Variants in DLGAP1 observed in about 807,000 individuals in gnomAD.
DLGAP1 encodes the protein disks large-associated protein 1.
Under a neutral mutation model 90.8 loss-of-function variants are expected in DLGAP1, and 11 were observed. The observed-to-expected ratio is 0.12, with a 90% CI of 0.08 to 0.20. The LOEUF (loss-of-function observed/expected upper bound fraction) is 0.20. Ranked by LOEUF, DLGAP1 falls within the 10% of genes least tolerant of loss-of-function variation. DLGAP1 has a pLI of 1.00. For missense variants in DLGAP1, 1,050 were observed against 1,333.8 expected, an observed-to-expected ratio of 0.79 and a Z score of 3.31; for synonymous variants, 558 against 540.7, an observed-to-expected ratio of 1.03 and a Z score of -0.44.
chr18:3,594,064 C>T (rs1433640324), intron 7 of DLGAP1: 1 of 151,458 alleles, frequency 6.6e-6, no homozygotes, highest in African/African-American at 2.4e-5. Context: ...ATGTCAGACG[C>T]AGCCACTCCT....
chr18:4,235,513 G>T (rs1474393191), intron 1 of DLGAP1, among the ~76,000 whole-genome samples: 3 of 151,964 alleles, frequency 2.0e-5, no homozygotes, highest in African/African-American at 7.2e-5. Flanking sequence ...TGAACCTGCT[G>T]TTTTTTTAAT....
chr18:4,012,465 G>A (rs2074443354), intron 2 of DLGAP1, among the ~76,000 whole-genome samples: 1 of 152,134 alleles, frequency 6.6e-6, no homozygotes, highest in Admixed American at 6.5e-5. Context: ...GAATGGCACT[G>A]TGGACAGTTT....
At chr18:3,629,973 A>T (rs189294398) in intron 7 of DLGAP1, among the ~76,000 whole-genome samples, 3 of 152,274 alleles carry the variant, frequency 2.0e-5, no homozygotes, top group Admixed American at 2.0e-4. Flanking sequence ...TTGGCCTTTC[A>T]CATTTAGGTC....
intron 2 of DLGAP1, among the ~76,000 whole-genome samples, chr18:4,108,857 TAGG>T (rs1216081485): frequency 1.3e-5 from 2 of 152,188 alleles, no homozygotes; most frequent in African/African-American, 4.8e-5. Flanking sequence ...CAGGCACACT[TAGG>T]AGAAACCTAT....
chr18:3,604,524 T>G (rs1217898894), intron 7 of DLGAP1: 3 of 152,120 alleles, frequency 2.0e-5, no homozygotes, highest in Admixed American at 1.3e-4. Context: ...TTACCCTCCT[T>G]ATTTTTCACT....
rs567193534 is a variant in DLGAP1 at position 3,653,273 on chromosome 18, T to C, written c.1592-71025A>G. On this transcript the variant is annotated intron_variant, in intron 7 of 12. Coordinates refer to ENST00000315677, the MANE Select transcript of DLGAP1 (RefSeq NM_004746.4). This position sits in a 1 kb window ranked among gnomAD's most constrained non-coding sequence, Gnocchi z 4.6. Reference sequence around the variant, plus strand: ...GTTTCCCCCTTCCGTCAAATTGCTGTCTAGATGTTTCTCTCTGACCCCAAT... The same window carrying C: ...GTTTCCCCCTTCCGTCAAATTGCTGCCTAGATGTTTCTCTCTGACCCCAAT... 1 of 152,336 alleles carries C rather than the reference T, an allele frequency of 6.6e-6. No homozygotes were observed. The highest frequency in any genetic ancestry group is 2.1e-4 in the South Asian group (1 of 4,826). The allele number at this position is 152,336 out of a possible 1,614,324, so 9.4% of individuals were successfully genotyped here.
chr18:3,888,107 C>CAAAAAAAAAAAAAAAAAAAAAAA (rs1164887393), intron 3 of DLGAP1, among the ~76,000 whole-genome samples: 2 of 49,390 alleles, frequency 4.0e-5, no homozygotes, highest in African/African-American at 1.5e-4. Flanking sequence ...GACTCCATCT[C>CAAAAAAAAAAAAAAAAAAAAAAA]AAAAAAAAAA....
chr18:4,148,424 T>C (rs1310139530), intron 2 of DLGAP1, among the ~76,000 whole-genome samples: 1 of 152,204 alleles, frequency 6.6e-6, no homozygotes, highest in Non-Finnish European at 1.5e-5. Flanking sequence ...AAAGCAGACA[T>C]GATCAGAATT....
intron 7 of DLGAP1, among the ~76,000 whole-genome samples, chr18:3,630,988 A>AT (rs1048188964): frequency 7.3e-5 from 11 of 151,668 alleles, no homozygotes; most frequent in East Asian, 1.9e-4. Context: ...TTTTATTTTT[A>AT]TTTTTTTTAT....
chr18:3,510,689 C>T (rs941198228), intron 10 of DLGAP1, among the ~76,000 whole-genome samples: 34 of 152,264 alleles, frequency 2.2e-4, no homozygotes, highest in African/African-American at 8.2e-4. Context: ...ACCTAGGTCT[C>T]CACTTTGATG....
At chr18:3,656,955 T>C (rs58851393) in intron 7 of DLGAP1, among the ~76,000 whole-genome samples, 33,154 of 151,802 alleles carry the variant, frequency 0.22, 7,920 homozygotes, top group African/African-American at 0.6. Context: ...ACTGTATTAG[T>C]CAGGATGGTC....
chr18:3,736,356 A>AC (rs1555647390), intron 6 of DLGAP1, among the ~76,000 whole-genome samples: 4 of 152,048 alleles, frequency 2.6e-5, no homozygotes, highest in Non-Finnish European at 5.9e-5. Flanking sequence ...AACATACTTA[A>AC]TTTTTTTCCT....
chr18:3,874,913 G>A, intron 4 of DLGAP1: 1 of 589,780 alleles, frequency 1.7e-6, no homozygotes. Flanking sequence ...ACGATTTCAA[G>A]CTACAGTATT....
At chr18:3,829,090 T>C (rs2067890550) in intron 4 of DLGAP1, among the ~76,000 whole-genome samples, 1 of 152,220 alleles carries the variant, frequency 6.6e-6, no homozygotes, top group African/African-American at 2.4e-5. Context: ...GGAAGGAGGA[T>C]GGTGCAATGA....
chr18:4,101,070 T>C (rs891659780), intron 2 of DLGAP1, among the ~76,000 whole-genome samples: 14 of 152,196 alleles, frequency 9.2e-5, no homozygotes, highest in Non-Finnish European at 1.6e-4. Flanking sequence ...TCAAGAATTC[T>C]TCCTTTGCAT....
chr18:4,239,313 T>TA (rs1252417553), intron 1 of DLGAP1, among the ~76,000 whole-genome samples: 3 of 152,130 alleles, frequency 2.0e-5, no homozygotes, highest in Admixed American at 6.6e-5. Flanking sequence ...TGACATCATT[T>TA]AAAAAAAATT....
chr18:3,875,138 T>C (rs1015399585), intron 4 of DLGAP1, among the ~76,000 whole-genome samples: 3 of 152,198 alleles, frequency 2.0e-5, no homozygotes, highest in Non-Finnish European at 4.4e-5. Context: ...AGTTGTTTCA[T>C]TGTTAGTCTA....
At chr18:4,027,333 C>G (rs34312934) in intron 2 of DLGAP1, among the ~76,000 whole-genome samples, 35,213 of 151,056 alleles carry the variant, frequency 0.23, 4,360 homozygotes, top group South Asian at 0.4. Context: ...TGGCAAAACC[C>G]CACCTCTACT....
At chr18:4,010,505 G>A (rs571781675) in intron 2 of DLGAP1, among the ~76,000 whole-genome samples, 36 of 152,248 alleles carry the variant, frequency 2.4e-4, no homozygotes, top group African/African-American at 7.5e-4. Flanking sequence ...CCATGATCGC[G>A]TCACTGCGCT....
Sources: gnomAD v4.1 joint callset for allele counts (sites outside exome capture counted in the v4.1 genomes callset) on GRCh38, gnomAD v4.1.1 for gene constraint, Gnocchi (gnomAD v3.1) non-coding constraint, MANE v1.5 for transcripts, NCBI Gene and HGNC (gene_info 2026-07-23, HGNC 2026-07-21) for gene names.